The following ZNF83 variants were observed in gnomAD, a reference collection of about 807,000 sequenced individuals.
The protein encoded by ZNF83 is zinc finger protein 83.
For synonymous variants in ZNF83, 209 were observed against 213.0 expected (o/e 0.98, Z 0.17); for missense variants, 552 against 629.9 (o/e 0.88, Z 1.32).
At position 52,619,065 on chromosome 19, in the gene ZNF83, G is replaced by A; in HGVS notation, c.-233-4268C>T. 6 of 1,612,906 alleles carry A rather than the reference G, an allele frequency of 3.7e-6. 1 individual carries two copies. The South Asian group carries it at 6.6e-5, about 18-fold the overall frequency. ...ACATCCCTGAATGTCAATAGACCCT[G>A]AAATGAAAACACATTTTAACCAAAT... On this transcript the variant is annotated intron_variant, in intron 2 of 2. Coordinates refer to ENST00000301096, the Ensembl canonical transcript of ZNF83.
chr19:52,613,566 T>G (rs2060187583), exon 3 of ZNF83: 2 of 1,613,818 alleles, frequency 1.2e-6, no homozygotes, highest in East Asian at 4.5e-5. Context: ...TCCAGTGATT[T>G]ACTAGGGATG....
At chr19:52,639,413 C>CTTTTTTTTTCTTTTTTTTTT (rs1206783591), upstream of ZNF83, among the ~76,000 whole-genome samples, 10 of 53,844 alleles carry the variant, frequency 1.9e-4, no homozygotes, top group African/African-American at 4.5e-4. Flanking sequence ...TTAGTTTTTT[C>CTTTTTTTTTCTTTTTTTTTT]TATTTTTTTT....
chr19:52,628,904 T>C (rs1221988588), intron 2 of ZNF83, among the ~76,000 whole-genome samples: 2 of 151,750 alleles, frequency 1.3e-5, no homozygotes, highest in East Asian at 1.9e-4. Context: ...AATCCCTTAT[T>C]TCCATGCCCT....
chr19:52,613,503 G>A, exon 3 of ZNF83: 1 of 1,613,824 alleles, frequency 6.2e-7, no homozygotes, highest in Non-Finnish European at 8.5e-7. Flanking sequence ...AATTGCGACT[G>A]AAGACCTTGC....
At chr19:52,614,431 T>A (rs760763734) in exon 3 of ZNF83, 2 of 1,613,700 alleles carry the variant, frequency 1.2e-6, no homozygotes, top group Non-Finnish European at 1.7e-6. Context: ...GTTGACAGAT[T>A]TTTCCATGTG....
chr19:52,632,609 G>A (rs541685016), intron 2 of ZNF83, among the ~76,000 whole-genome samples: 12 of 152,096 alleles, frequency 7.9e-5, no homozygotes, highest in Non-Finnish European at 1.3e-4. Flanking sequence ...TCCTAGTGCT[G>A]TCCACAAACC....
Position 52,667,034 on chromosome 19 carries a change from G to C in ZNF83, c.-282-6191C>G, listed in dbSNP as rs144780785. Among the ~76,000 whole-genome samples, 36 of 152,206 alleles carry C rather than the reference G, an allele frequency of 2.4e-4. 1 individual carries two copies. In the East Asian group the frequency reaches 6.8e-3, roughly 29 times the overall value. ...ACCTATACCACTTCTAAGTTAATAT[G>C]GACTGAACAAGGTCTTATTAATAGC... On this transcript the variant is annotated intron_variant, in intron 1 of 5. Coordinates refer to the ZNF83 transcript ENST00000594682.
intron 2 of ZNF83, among the ~76,000 whole-genome samples, chr19:52,626,764 T>A (rs1183069922): frequency 6.6e-6 from 1 of 152,060 alleles, no homozygotes; most frequent in Non-Finnish European, 1.5e-5. Context: ...TCCACGCAGC[T>A]CCTAATCTCA....
At chr19:52,631,613 C>T (rs1456911663) in intron 2 of ZNF83, among the ~76,000 whole-genome samples, 2 of 152,186 alleles carry the variant, frequency 1.3e-5, no homozygotes, top group Non-Finnish European at 2.9e-5. Flanking sequence ...GTTCCTGGCC[C>T]GGACTTCAAT....
intron 1 of ZNF83, 133 bp from the exon 2 acceptor site, chr19:52,635,286 T>C: frequency 8.8e-6 from 4 of 453,516 alleles, no homozygotes; most frequent in South Asian, 5.5e-5. Flanking sequence ...CCAGAGACGA[T>C]AAACTCCTAC....
chr19:52,614,700 G>C, exon 3 of ZNF83: 1 of 1,346,028 alleles, frequency 7.4e-7, no homozygotes, highest in Non-Finnish European at 9.6e-7. Context: ...GTATGTCGTG[G>C]CTTTCATGTC....
intron 2 of ZNF83, 83 bp downstream of exon 2, chr19:52,634,983 G>T: frequency 1.5e-6 from 1 of 664,422 alleles, no homozygotes; most frequent in Admixed American, 2.2e-5. Context: ...CACTTCTTGA[G>T]ACCCAGAGAA....
At chr19:52,678,078 G>A (rs2061847266) in intron 1 of ZNF83, among the ~76,000 whole-genome samples, 1 of 151,560 alleles carries the variant, frequency 6.6e-6, no homozygotes, top group South Asian at 2.1e-4. Context: ...GACCCAGATG[G>A]AGATTGTTGC....
intron 1 of ZNF83, among the ~76,000 whole-genome samples, chr19:52,664,491 A>G (rs1264256303): frequency 1.3e-5 from 2 of 152,064 alleles, no homozygotes; most frequent in Non-Finnish European, 2.9e-5. Flanking sequence ...GTGAGACCCC[A>G]TCTCCAATTA....
upstream of ZNF83, among the ~76,000 whole-genome samples, chr19:52,639,413 C>CTTTTTTTTTT (rs1206783591): frequency 4.7e-3 from 253 of 53,730 alleles, 2 homozygotes; most frequent in East Asian, 0.013. Context: ...TTAGTTTTTT[C>CTTTTTTTTTT]TATTTTTTTT....
At chr19:52,628,181 G>A (rs564702058) in intron 2 of ZNF83, among the ~76,000 whole-genome samples, 10 of 152,162 alleles carry the variant, frequency 6.6e-5, no homozygotes, top group Admixed American at 2.0e-4. Flanking sequence ...CTCTTCACAC[G>A]GACACGCATG....
chr19:52,657,177 T>C (rs2061517733), intron 2 of ZNF83, among the ~76,000 whole-genome samples: 1 of 151,840 alleles, frequency 6.6e-6, no homozygotes, highest in African/African-American at 2.4e-5. Context: ...AAATCATAAA[T>C]GCAATGCATG....
intron 2 of ZNF83, among the ~76,000 whole-genome samples, chr19:52,634,815 G>A (rs543635835): frequency 1.6e-4 from 24 of 152,040 alleles, no homozygotes; most frequent in Admixed American, 5.2e-4. Context: ...CCCTCACCCC[G>A]TCTCCATCCA....
chr19:52,664,634 C>T (rs1386120983), intron 1 of ZNF83, among the ~76,000 whole-genome samples: 1 of 151,702 alleles, frequency 6.6e-6, no homozygotes, highest in Non-Finnish European at 1.5e-5. Flanking sequence ...AAAGCCAGGA[C>T]TGGGGGGTGG....
Sources: allele counts gnomAD v4.1 joint callset (sites outside exome capture counted in the v4.1 genomes callset), GRCh38; gene constraint gnomAD v4.1.1; transcripts MANE v1.5; gene names NCBI Gene and HGNC (gene_info 2026-07-23, HGNC 2026-07-21).